The following ZNF518A variants were observed in gnomAD, a reference collection of about 807,000 sequenced individuals.
ZNF518A encodes the protein zinc finger protein 518.
Under a neutral mutation model 102.7 loss-of-function variants are expected in ZNF518A, and 47 were observed. The ratio of observed to expected loss-of-function variants is 0.46; its 90% CI spans 0.36 to 0.58. The LOEUF is 0.58. ZNF518A is among the 20% of genes least tolerant of loss of function. The pLI is 0.00. For synonymous variants in ZNF518A, 652 were observed against 594.6 expected, an observed-to-expected ratio of 1.10 and a Z score of -1.40; for missense variants, 1,793 against 1,699.8, an observed-to-expected ratio of 1.05 and a Z score of -0.96.
chr10:96,169,612 T>C (rs1278855825), intron 1 of ZNF518A, among the ~76,000 whole-genome samples: 1 of 152,236 alleles, frequency 6.6e-6, no homozygotes, highest in East Asian at 1.9e-4. Context: ...TCTTTGAACA[T>C]ATTTAAGATA....
At chr10:96,165,039 T>C (rs1554889829), downstream of ZNF518A, among the ~76,000 whole-genome samples, 1 of 152,204 alleles carries the variant, frequency 6.6e-6, no homozygotes, top group Non-Finnish European at 1.5e-5. Flanking sequence ...GCTTTTAATA[T>C]CTTGGAAGTT....
At chr10:96,143,879 G>C (rs1269428202) in intron 3 of ZNF518A, among the ~76,000 whole-genome samples, 2 of 152,192 alleles carry the variant, frequency 1.3e-5, no homozygotes, top group Non-Finnish European at 2.9e-5. Flanking sequence ...TCCTTCTGCA[G>C]ATCTGTGCTT....
intron 1 of ZNF518A, among the ~76,000 whole-genome samples, chr10:96,188,850 T>C (rs10748664): frequency 0.72 from 109,646 of 152,044 alleles, 40,630 homozygotes; most frequent in East Asian, 0.86. Flanking sequence ...CTTCAAGTAC[T>C]GGACACTCAA....
At chr10:96,201,392 G>C (rs587622667) in intron 1 of ZNF518A, among the ~76,000 whole-genome samples, 2 of 152,264 alleles carry the variant, frequency 1.3e-5, no homozygotes, top group Admixed American at 1.3e-4. Flanking sequence ...ATACATTAAA[G>C]AGATTTACAA....
chr10:96,200,267 T>C lies in ZNF518A; in HGVS notation n.36-3307T>C. On this transcript the variant is annotated intron_variant and non_coding_transcript_variant, in intron 1 of 2. Transcript: ENST00000442635. This position sits in a 1 kb window ranked among gnomAD's most constrained non-coding sequence, Gnocchi z 4.3. ...CATTATCAAGACAGGCCTCTACATT[T>C]ACACCAATAATTTTAAGATGAGTTT... The C allele has an allele frequency of 1.4e-6, 1 of 725,360 alleles. No individual in the cohort carries two copies. Among genetic ancestry groups the C allele is most frequent in the Non-Finnish European group, 2.4e-6 (1 of 420,436 alleles). 44.9% of individuals were successfully genotyped at this position (725,360 alleles called of 1,614,324 possible).
intron 1 of ZNF518A, chr10:96,201,047 C>G: frequency 6.2e-7 from 1 of 1,614,040 alleles, no homozygotes; most frequent in Non-Finnish European, 8.5e-7. Context: ...GGGTTTCCCC[C>G]TTCTGTAAAT....
intron 1 of ZNF518A, among the ~76,000 whole-genome samples, chr10:96,203,011 A>C (rs61856982): frequency 0.051 from 7,720 of 152,180 alleles, 273 homozygotes; most frequent in Middle Eastern, 0.095. Flanking sequence ...TTTTCTTTAT[A>C]GCACTTCAGC....
intron 2 of ZNF518A, 157 bp from the exon 3 acceptor site, chr10:96,133,426 C>A (rs2081438633): frequency 6.6e-6 from 1 of 152,090 alleles, no homozygotes; most frequent in Non-Finnish European, 1.5e-5. Flanking sequence ...ATGTGAATGT[C>A]TGGGTGTAGA....
intron 1 of ZNF518A, among the ~76,000 whole-genome samples, chr10:96,193,676 T>A (rs1438900331): frequency 2.6e-5 from 4 of 152,210 alleles, no homozygotes; most frequent in Admixed American, 2.6e-4. Flanking sequence ...AGTGTATTTG[T>A]GGACAGAAAA....
At chr10:96,173,414 A>G (rs187494856) in intron 1 of ZNF518A, among the ~76,000 whole-genome samples, 5 of 152,286 alleles carry the variant, frequency 3.3e-5, no homozygotes, top group Non-Finnish European at 5.9e-5. Flanking sequence ...GTAGGTTGAA[A>G]TTTTAAAAAT....
rs1452155217 is a variant in ZNF518A at position 96,160,989 on chromosome 10, A to C, written c.*215A>C. The C allele has an allele frequency of 2.2e-6, 1 of 460,776 alleles. No individual in the cohort carries two copies. The highest frequency in any genetic ancestry group is 3.8e-6 in the Non-Finnish European group (1 of 266,304). 28.5% of individuals were successfully genotyped at this position (460,776 alleles called of 1,614,324 possible). A position where few individuals can be genotyped will look rare whatever the true frequency, so the allele number is the denominator to read the frequency against. On this transcript the variant is annotated 3_prime_UTR_variant, in exon 6 of 6. Transcript: ENST00000316045. Reference sequence around the variant, plus strand: ...AAAAGTTTTGAAAGAAACTAATCACAGCACAGAAGTACCTTGATTTAATTT... The same window carrying C: ...AAAAGTTTTGAAAGAAACTAATCACCGCACAGAAGTACCTTGATTTAATTT...
At chr10:96,147,783 C>T (rs1221830094) in intron 3 of ZNF518A, among the ~76,000 whole-genome samples, 1 of 152,118 alleles carries the variant, frequency 6.6e-6, no homozygotes, top group African/African-American at 2.4e-5. Context: ...GATATGCCTG[C>T]GTACCTTACA....
intron 1 of ZNF518A, among the ~76,000 whole-genome samples, chr10:96,177,996 G>C (rs1419495065): frequency 4.6e-5 from 7 of 152,056 alleles, no homozygotes; most frequent in Non-Finnish European, 1.0e-4. Context: ...CAGAACTATA[G>C]AGAGAAATTG....
At chr10:96,141,472 G>A (rs587696144) in intron 3 of ZNF518A, among the ~76,000 whole-genome samples, 1 of 152,326 alleles carries the variant, frequency 6.6e-6, no homozygotes, top group South Asian at 2.1e-4. Context: ...AAAGGTGTAT[G>A]TGTGGGTAAG....
In ZNF518A at chr10:96,142,352, G is replaced by GTGTT. The variant is rs782474644; in HGVS notation, c.-302+8706_-302+8709dup. On this transcript the variant is annotated intron_variant, in intron 3 of 5. Coordinates refer to ENST00000316045, the MANE Select transcript of ZNF518A (RefSeq NM_001330736.2). ...TGTGTGTGTGTGTGTGTGTGTGTGTGTGTTTCTAGATTCCTTTTAGCAGAA... is the reference window on the plus strand; with the variant it reads ...TGTGTGTGTGTGTGTGTGTGTGTGTGTGTTTGTTTCTAGATTCCTTTTAGCAGAA... Among the ~76,000 whole-genome samples, 608 of 127,610 alleles carry GTGTT rather than the reference G, an allele frequency of 4.8e-3. 1 individual carries two copies. Among genetic ancestry groups the GTGTT allele is most frequent in the South Asian group, 7.6e-3 (29 of 3,800 alleles). The allele number at this position is 127,610 out of a possible 152,430, so 83.7% of individuals were successfully genotyped here. A position where few individuals can be genotyped will look rare whatever the true frequency, so the allele number is the denominator to read the frequency against.
Position 96,158,610 on chromosome 10 carries a change from G to A in ZNF518A, c.2288G>A (p.Arg763Lys). 6.2e-7 allele frequency: 1 copy of A among 1,613,344 alleles called. No homozygotes were observed. Among genetic ancestry groups the A allele is most frequent in the East Asian group, 2.2e-5 (1 of 44,866 alleles). ...AATGTCGATTCACCTATGATGCCTAGAATCACATCTGTTTTCTCTCTCCAG... is the reference window on the plus strand; with the variant it reads ...AATGTCGATTCACCTATGATGCCTAAAATCACATCTGTTTTCTCTCTCCAG... Reference protein sequence around the residue: ...FSNVDSPMMPRITSVFSLQSQ... With the variant: ...FSNVDSPMMPKITSVFSLQSQ... Residue 763 changes from arginine to lysine, a missense_variant, in exon 6 of 6, where the codon AGA becomes AAA. Coordinates refer to ENST00000316045, the MANE Select transcript of ZNF518A (RefSeq NM_001330736.2).
chr10:96,196,213 T>G (rs1554894637), intron 1 of ZNF518A, among the ~76,000 whole-genome samples: 1 of 152,218 alleles, frequency 6.6e-6, no homozygotes, highest in African/African-American at 2.4e-5. Context: ...CCAACTTACA[T>G]TCTACCCATT....
At chr10:96,153,333 A>G (rs1282785430) in intron 3 of ZNF518A, among the ~76,000 whole-genome samples, 1 of 152,240 alleles carries the variant, frequency 6.6e-6, no homozygotes, top group East Asian at 1.9e-4. Context: ...GTCTCTGGAA[A>G]CACCCTCACA....
intron 1 of ZNF518A, among the ~76,000 whole-genome samples, chr10:96,173,556 G>C (rs1262377143): frequency 6.6e-6 from 1 of 152,100 alleles, no homozygotes; most frequent in African/African-American, 2.4e-5. Flanking sequence ...AACAGTAAAA[G>C]TGTCAACTCA....
Sources: allele counts gnomAD v4.1 joint callset (sites outside exome capture counted in the v4.1 genomes callset), GRCh38; gene constraint gnomAD v4.1.1; non-coding constraint Gnocchi (gnomAD v3.1); transcripts MANE v1.5; gene names NCBI Gene and HGNC (gene_info 2026-07-23, HGNC 2026-07-21).